PCDH11Y: variants seen among roughly 807,000 people sequenced by gnomAD.
PCDH11Y encodes protocadherin 11 Y-linked.
For synonymous variants in PCDH11Y, 9 were observed against 83.6 expected, an observed-to-expected ratio of 0.11 and a Z score of 4.87; for missense variants, 12 against 224.8, an observed-to-expected ratio of 0.05 and a Z score of 6.05.
At chrY:5,346,035 A>G in intron 2 of PCDH11Y, among the ~76,000 whole-genome samples, 1 of 33,308 alleles carries the variant, frequency 3.0e-5, no homozygotes, top group East Asian at 7.9e-4. Flanking sequence ...ATTTGTAAAC[A>G]TATTATGTTG....
intron 2 of PCDH11Y, among the ~76,000 whole-genome samples, chrY:5,216,672 A>AT (rs1235744198): frequency 3.4e-4 from 9 of 26,374 alleles, no homozygotes; most frequent in African/African-American, 1.0e-3. Context: ...TCTGCTCCTT[A>AT]TTTTTTTTTT....
chrY:5,088,569 A>G, intron 1 of PCDH11Y, among the ~76,000 whole-genome samples: 1 of 33,210 alleles, frequency 3.0e-5, no homozygotes, highest in Admixed American at 2.8e-4. Flanking sequence ...TAGAGATTAT[A>G]TTGTATTGAT....
At chrY:5,685,807 T>C in intron 4 of PCDH11Y, among the ~76,000 whole-genome samples, 3 of 31,534 alleles carry the variant, frequency 9.5e-5, no homozygotes, top group Non-Finnish European at 2.3e-4. Flanking sequence ...ATGAAACTAA[T>C]GCTTAATGAA....
chrY:5,436,449 T>C, intron 2 of PCDH11Y, among the ~76,000 whole-genome samples: 1 of 33,372 alleles, frequency 3.0e-5, no homozygotes, highest in Admixed American at 2.8e-4. Flanking sequence ...TTAACTGATA[T>C]TGACTCAGTA....
At chrY:5,389,175 G>A (rs1602917607) in intron 2 of PCDH11Y, among the ~76,000 whole-genome samples, 5 of 33,952 alleles carry the variant, frequency 1.5e-4, no homozygotes, top group Admixed American at 2.7e-4. Flanking sequence ...AATTGTTAAG[G>A]AGGAATATGC....
At chrY:5,245,124 A>G (rs1602892729) in intron 2 of PCDH11Y, among the ~76,000 whole-genome samples, 78 of 33,183 alleles carry the variant, frequency 2.4e-3, no homozygotes, top group African/African-American at 8.4e-3. Flanking sequence ...AGTTCCTAGC[A>G]GGAGGGGTGG....
At chrY:5,105,102 C>G, downstream of PCDH11Y, 1 of 97,022 alleles carries the variant, frequency 1.0e-5, no homozygotes, top group Non-Finnish European at 1.4e-5. Flanking sequence ...ATTAGCTGGG[C>G]GTGGTGGCGG....
intron 4 of PCDH11Y, among the ~76,000 whole-genome samples, chrY:5,659,334 C>A: frequency 3.0e-5 from 1 of 32,806 alleles, no homozygotes; most frequent in East Asian, 8.1e-4. Flanking sequence ...GTGGTGAAAC[C>A]AGCCAGGTTT....
intron 3 of PCDH11Y, among the ~76,000 whole-genome samples, chrY:5,045,730 C>A: frequency 9.0e-5 from 3 of 33,170 alleles, no homozygotes; most frequent in Admixed American, 5.5e-4. Context: ...TCCATTCTCC[C>A]CATCACTTTC....
At chrY:5,003,855 A>C in intron 1 of PCDH11Y, among the ~76,000 whole-genome samples, 2 of 33,109 alleles carry the variant, frequency 6.0e-5, no homozygotes, top group East Asian at 1.6e-3. Context: ...AAGGTTGCAC[A>C]GGGCAAGAGG....
downstream of PCDH11Y, among the ~76,000 whole-genome samples, chrY:5,108,054 G>A: frequency 1.2e-4 from 1 of 8,521 alleles, no homozygotes; most frequent in Non-Finnish European, 1.8e-4. Context: ...GCCAGAGGCT[G>A]TCTCAAAAAA....
intron 2 of PCDH11Y, among the ~76,000 whole-genome samples, chrY:5,348,688 C>T: frequency 6.0e-5 from 2 of 33,610 alleles, no homozygotes; most frequent in Admixed American, 5.6e-4. Context: ...CTGTGTATAA[C>T]ACTACTATCT....
chrY:5,626,155 G>A, intron 4 of PCDH11Y, among the ~76,000 whole-genome samples: 1 of 31,543 alleles, frequency 3.2e-5, no homozygotes, highest in South Asian at 7.2e-4. Context: ...TGCCAGGAAT[G>A]TATCAATTTC....
chrY:5,108,763 A>AAAAAG (rs2052799749), downstream of PCDH11Y, among the ~76,000 whole-genome samples: 1 of 29,621 alleles, frequency 3.4e-5, no homozygotes, highest in Non-Finnish European at 8.0e-5. Flanking sequence ...AAAAAAAAAA[A>AAAAAG]AAAAGAAAAG....
chrY:5,490,578 G>A (rs2053337582), intron 2 of PCDH11Y, among the ~76,000 whole-genome samples: 2 of 34,332 alleles, frequency 5.8e-5, no homozygotes, highest in African/African-American at 2.3e-4. Flanking sequence ...TGGCAGTGGC[G>A]GCTGTCTGGA....
At chrY:5,368,714 C>T in intron 2 of PCDH11Y, among the ~76,000 whole-genome samples, 1 of 33,006 alleles carries the variant, frequency 3.0e-5, no homozygotes, top group Non-Finnish European at 7.5e-5. Context: ...CCACTGACTG[C>T]TTGCACCCTG....
chrY:5,038,930 A>G (rs2052603079), intron 3 of PCDH11Y, among the ~76,000 whole-genome samples: 1 of 31,221 alleles, frequency 3.2e-5, no homozygotes, highest in Admixed American at 3.0e-4. Context: ...GGGTGCAGGC[A>G]TAGTTGAAGG....
At chrY:5,133,395 T>G in intron 2 of PCDH11Y, among the ~76,000 whole-genome samples, 1 of 31,178 alleles carries the variant, frequency 3.2e-5, no homozygotes, top group African/African-American at 1.3e-4. Context: ...TTATTTTTTA[T>G]TTTTATGGGT....
intron 1 of PCDH11Y, among the ~76,000 whole-genome samples, chrY:5,023,555 A>G (rs2052573641): frequency 5.6e-4 from 19 of 34,022 alleles, no homozygotes; most frequent in Admixed American, 5.0e-3. Flanking sequence ...GCATGCACAC[A>G]TTAGAAGAGA....
Sources: allele counts gnomAD v4.1 joint callset (sites outside exome capture counted in the v4.1 genomes callset), GRCh38; gene constraint gnomAD v4.1.1; transcripts MANE v1.5; gene names NCBI Gene and HGNC (gene_info 2026-07-23, HGNC 2026-07-21).